The following PHACTR4 variants were observed in gnomAD, a reference collection of about 807,000 sequenced individuals.
PHACTR4 encodes phosphatase and actin regulator 4.
In PHACTR4, 51 loss-of-function variants were observed where a neutral mutation model predicts 72.7. That is an observed-to-expected ratio of 0.70 (90% CI 0.56 to 0.89). The LOEUF (loss-of-function observed/expected upper bound fraction) is 0.89. Ranked by LOEUF, PHACTR4 falls within the 40% of genes least tolerant of loss-of-function variation. The pLI, the probability that PHACTR4 is intolerant of heterozygous loss-of-function variation, is 0.00. For missense variants in PHACTR4, 731 were observed against 861.8 expected (o/e 0.85, Z 1.90); for synonymous variants, 255 against 302.5 (o/e 0.84, Z 1.63).
chr1:28,472,915 C>G (rs1553201316), intron 6 of PHACTR4, among the ~76,000 whole-genome samples: 2 of 150,984 alleles, frequency 1.3e-5, no homozygotes, highest in Non-Finnish European at 2.9e-5. Context: ...CCGTGCCAGC[C>G]ACAAGATAAC....
intron 1 of PHACTR4, among the ~76,000 whole-genome samples, chr1:28,377,792 C>T (rs939482498): frequency 6.7e-6 from 1 of 150,326 alleles, no homozygotes; most frequent in African/African-American, 2.5e-5. Flanking sequence ...AATTGCGCCA[C>T]TGCACTCTAG....
At chr1:28,495,314 C>G (rs1308687052) in intron 13 of PHACTR4, among the ~76,000 whole-genome samples, 1 of 151,916 alleles carries the variant, frequency 6.6e-6, no homozygotes, top group African/African-American at 2.4e-5. Flanking sequence ...CACTATGTTT[C>G]CCAGGCTGGT....
At chr1:28,434,503 G>A (rs944828720) in intron 2 of PHACTR4, among the ~76,000 whole-genome samples, 5 of 151,846 alleles carry the variant, frequency 3.3e-5, no homozygotes, top group African/African-American at 9.7e-5. Context: ...TGTATTTTTA[G>A]TAGAGACGGG....
chr1:28,467,149 G>A (rs1412309425), intron 6 of PHACTR4: 2 of 162,784 alleles, frequency 1.2e-5, no homozygotes, highest in Non-Finnish European at 1.3e-5. Flanking sequence ...GGAGGCGGAG[G>A]TTGCAGTGAG....
intron 1 of PHACTR4, among the ~76,000 whole-genome samples, chr1:28,396,434 G>GA: frequency 6.6e-6 from 1 of 151,664 alleles, no homozygotes; most frequent in African/African-American, 2.4e-5. Flanking sequence ...GGGAGGCTGA[G>GA]TCGGAAGAAT....
chr1:28,489,520 G>A (rs1317665075), intron 10 of PHACTR4, among the ~76,000 whole-genome samples: 2 of 152,268 alleles, frequency 1.3e-5, no homozygotes, highest in Middle Eastern at 6.8e-3. Context: ...TATGGGAGAT[G>A]TGCCCAATTT....
intron 6 of PHACTR4, 150 bp from the exon 7 acceptor site, chr1:28,473,404 G>C (rs186298470): frequency 1.6e-6 from 1 of 644,154 alleles, no homozygotes; most frequent in Non-Finnish European, 2.7e-6. Context: ...CTTCATTTCA[G>C]GATAAAATAT....
chr1:28,406,479 A>G (rs1654333803), intron 1 of PHACTR4, among the ~76,000 whole-genome samples: 1 of 152,220 alleles, frequency 6.6e-6, no homozygotes, highest in Non-Finnish European at 1.5e-5. Context: ...TGTTAAAAGC[A>G]GAAAAATTCT....
chr1:28,480,381 G>C (rs1244732573), intron 8 of PHACTR4, 70 bp from the exon 9 acceptor site: 6 of 1,552,810 alleles, frequency 3.9e-6, no homozygotes, highest in Non-Finnish European at 5.3e-6. Context: ...CTCTTGACTA[G>C]CTCCAGGTAA....
At chr1:28,378,275 G>A (rs1651853872) in intron 1 of PHACTR4, among the ~76,000 whole-genome samples, 1 of 150,004 alleles carries the variant, frequency 6.7e-6, no homozygotes, top group African/African-American at 2.5e-5. Flanking sequence ...GCTGAGGCGG[G>A]TGGATCACCT....
intron 8 of PHACTR4, among the ~76,000 whole-genome samples, chr1:28,477,990 G>C (rs1660030948): frequency 6.6e-6 from 1 of 151,980 alleles, no homozygotes; most frequent in African/African-American, 2.4e-5. Context: ...GCCCGGCCTA[G>C]ATCTTATTTC....
intron 2 of PHACTR4, among the ~76,000 whole-genome samples, chr1:28,442,256 G>A (rs921808043): frequency 6.6e-6 from 1 of 152,054 alleles, no homozygotes; most frequent in African/African-American, 2.4e-5. Flanking sequence ...CACGAGGTCA[G>A]GAGATGAGAC....
At chr1:28,472,818 A>C (rs1167578764) in intron 6 of PHACTR4, among the ~76,000 whole-genome samples, 1 of 104,936 alleles carries the variant, frequency 9.5e-6, no homozygotes. Context: ...GGGTTTCACC[A>C]TGTTGGCCAG....
rs573170410 is a variant in PHACTR4, at chr1:28,483,565, G to A, written c.1760+2961G>A. 6.2e-4 allele frequency among the ~76,000 whole-genome samples: 95 copies of A among 152,260 alleles called. 1 individual carries two copies. The highest frequency in any genetic ancestry group is 2.2e-3 in the African/African-American group (90 of 41,562). ...GCCTGTAATCTCAGCACTTTGGGAG[G>A]CCGAGGCGGGTGGATCATGAGGTCA... On this transcript the variant is annotated intron_variant, in intron 9 of 13. Coordinates refer to ENST00000373839, the MANE Select transcript of PHACTR4 (RefSeq NM_001048183.3).
intron 1 of PHACTR4, among the ~76,000 whole-genome samples, chr1:28,390,065 A>T (rs1188423612): frequency 6.6e-6 from 1 of 152,222 alleles, no homozygotes; most frequent in Non-Finnish European, 1.5e-5. Context: ...GTCATTTGGG[A>T]CAACATGGAT....
At chr1:28,370,594 G>A (rs1438378634) in intron 1 of PHACTR4, among the ~76,000 whole-genome samples, 1 of 137,388 alleles carries the variant, frequency 7.3e-6, no homozygotes, top group African/African-American at 2.9e-5. Flanking sequence ...GACTTACAGG[G>A]CATCACTGAT....
intron 8 of PHACTR4, among the ~76,000 whole-genome samples, chr1:28,477,613 A>T (rs566700976): frequency 6.6e-6 from 1 of 152,282 alleles, no homozygotes; most frequent in South Asian, 2.1e-4. Context: ...ATTATTCCAA[A>T]TCTACCTTTC....
intron 11 of PHACTR4, 118 bp from the exon 12 acceptor site, chr1:28,491,532 T>G: frequency 7.2e-7 from 1 of 1,397,634 alleles, no homozygotes; most frequent in Non-Finnish European, 1.0e-6. Context: ...ATCAATAGTG[T>G]CTAAAGCTCC....
intron 2 of PHACTR4, among the ~76,000 whole-genome samples, chr1:28,421,812 G>A (rs1375392311): frequency 6.6e-6 from 1 of 152,186 alleles, no homozygotes; most frequent in Non-Finnish European, 1.5e-5. Flanking sequence ...GGGGAGCTTG[G>A]CTTAATACTA....
Sources: allele counts gnomAD v4.1 joint callset (sites outside exome capture counted in the v4.1 genomes callset), GRCh38; gene constraint gnomAD v4.1.1; transcripts MANE v1.5; gene names NCBI Gene and HGNC (gene_info 2026-07-23, HGNC 2026-07-21).